Variants in RIMS1 observed in about 807,000 individuals in gnomAD.
RIMS1 encodes regulating synaptic membrane exocytosis protein 1.
In RIMS1, 83 loss-of-function variants were observed where a neutral mutation model predicts 214.1. The ratio of observed to expected loss-of-function variants is 0.39; its 90% confidence interval spans 0.32 to 0.47. The LOEUF is 0.47. Among genes scored for constraint, RIMS1 ranks in the 20% least tolerant of loss-of-function variants. RIMS1 has a pLI of 0.99. For synonymous variants in RIMS1, 793 were observed against 786.8 expected (o/e 1.01, Z -0.13); for missense variants, 2,050 against 2,161.8 (o/e 0.95, Z 1.03).
intron 1 of RIMS1, among the ~76,000 whole-genome samples, chr6:71,947,890 G>A (rs979309438): frequency 6.6e-6 from 1 of 151,914 alleles, no homozygotes; most frequent in African/African-American, 2.4e-5. Flanking sequence ...ATATATCATA[G>A]TAGATATGTT....
intron 2 of RIMS1, among the ~76,000 whole-genome samples, chr6:72,039,172 A>G (rs1360922785): frequency 1.3e-5 from 2 of 152,154 alleles, no homozygotes; most frequent in African/African-American, 2.4e-5. Flanking sequence ...AAGTACCAGT[A>G]TTTTTCATAA....
At chr6:72,216,561 C>T in intron 6 of RIMS1, 8 of 985,486 alleles carry the variant, frequency 8.1e-6, no homozygotes, top group Non-Finnish European at 9.6e-6. Context: ...GTTAGGGAAA[C>T]TGCAGAGGAA....
chr6:72,137,713 C>T (rs1349234123), intron 4 of RIMS1, among the ~76,000 whole-genome samples: 1 of 148,210 alleles, frequency 6.7e-6, no homozygotes, highest in Admixed American at 6.8e-5. Context: ...AAGTTGTCTG[C>T]AAAAATTAAG....
chr6:72,284,857 A>G (rs1274816401), intron 24 of RIMS1, among the ~76,000 whole-genome samples: 1 of 152,182 alleles, frequency 6.6e-6, no homozygotes, highest in Admixed American at 6.5e-5. Context: ...CAGGTACAGT[A>G]TGAACACAAG....
At chr6:72,087,431 T>C (rs918506695) in intron 2 of RIMS1, among the ~76,000 whole-genome samples, 4 of 152,230 alleles carry the variant, frequency 2.6e-5, no homozygotes, top group African/African-American at 9.6e-5. Flanking sequence ...ATCAAAACTC[T>C]GGCAGAATTG....
chr6:71,999,397 G>C (rs1323380299), intron 2 of RIMS1, among the ~76,000 whole-genome samples: 1 of 152,046 alleles, frequency 6.6e-6, no homozygotes, highest in African/African-American at 2.4e-5. Flanking sequence ...CATAGTCCTG[G>C]CTATTAGTTG....
intron 23 of RIMS1, among the ~76,000 whole-genome samples, chr6:72,280,385 A>C (rs994208975): frequency 6.6e-6 from 1 of 152,008 alleles, no homozygotes; most frequent in African/African-American, 2.4e-5. Context: ...CCTATTTTAT[A>C]TATCTCAATC....
At chr6:72,112,089 G>A (rs942577622) in intron 4 of RIMS1, among the ~76,000 whole-genome samples, 2 of 152,114 alleles carry the variant, frequency 1.3e-5, no homozygotes, top group African/African-American at 4.8e-5. Context: ...CTTCTTCACT[G>A]TAGCAAATGA....
At chr6:72,390,316 G>C (rs922263349) in intron 29 of RIMS1, among the ~76,000 whole-genome samples, 12 of 152,094 alleles carry the variant, frequency 7.9e-5, no homozygotes, top group Non-Finnish European at 1.6e-4. Flanking sequence ...GATTTTCATT[G>C]AAGTTGTCAC....
rs531556766 is a variant in RIMS1 at position 72,201,108 on chromosome 6, A to G, written c.1678+17959A>G. On this transcript the variant is annotated intron_variant, in intron 6 of 33. Transcript: ENST00000521978. ...TTAAGTTGGTAAATCTAACATGATT[A>G]TACCCAATAATATTTCTTCCAAATT... Among the ~76,000 whole-genome samples, 13 of 152,316 alleles carry G rather than the reference A, an allele frequency of 8.5e-5. No homozygotes were observed. The South Asian group carries it at 1.4e-3, about 17-fold the overall frequency.
At chr6:72,333,457 T>C (rs921491303) in intron 28 of RIMS1, 143 bp from the exon 29 acceptor site, 2 of 610,128 alleles carry the variant, frequency 3.3e-6, no homozygotes, top group African/African-American at 3.7e-5. Context: ...TACTAAAGTA[T>C]TTGTAGGTAT....
At chr6:72,339,836 T>C (rs1164977045) in intron 29 of RIMS1, among the ~76,000 whole-genome samples, 2 of 151,996 alleles carry the variant, frequency 1.3e-5, no homozygotes, top group African/African-American at 2.4e-5. Context: ...TATTTCTAGT[T>C]CTAGATCCCT....
chr6:72,078,400 T>TTTCC (rs1359096736), intron 2 of RIMS1, among the ~76,000 whole-genome samples: 5 of 152,212 alleles, frequency 3.3e-5, no homozygotes, highest in South Asian at 4.1e-4. Context: ...TTTCTCTCTC[T>TTTCC]TTCCTTCCAG....
intron 17 of RIMS1, among the ~76,000 whole-genome samples, chr6:72,258,722 T>C (rs2076852572): frequency 6.6e-6 from 1 of 152,170 alleles, no homozygotes; most frequent in Non-Finnish European, 1.5e-5. Context: ...TTTACTCTGA[T>C]ATACACTCCT....
In RIMS1 at chr6:72,182,601, T is replaced by C. The variant is rs1408670829; in HGVS notation, c.1130T>C (p.Met377Thr). The C allele has an allele frequency of 1.3e-6, 2 of 1,548,478 alleles. No individual in the cohort carries two copies. Among genetic ancestry groups the C allele is most frequent in the South Asian group, 1.2e-5 (1 of 83,970 alleles). The change falls in exon 6 of 34, where the codon ATG becomes ACG. Residue 377 changes from methionine (M) to threonine (T), a missense_variant. Physicochemically the swap from Met to Thr is moderately conservative, Grantham distance 81. This residue lies in a region of RIMS1 where 882 missense variants were observed against 828.9 expected (regional missense o/e 1.06). Coordinates refer to ENST00000521978, the MANE Select transcript of RIMS1 (RefSeq NM_014989.7). ...KPPPEEQQMR[M>T]HARVSRARHE... ...CCGCCTGAGGAGCAGCAGATGCGCA[T>C]GCACGCCCGGGTGTCCCGCGCCAGG...
intron 29 of RIMS1, among the ~76,000 whole-genome samples, chr6:72,364,587 G>A (rs181162442): frequency 6.6e-6 from 1 of 152,132 alleles, no homozygotes; most frequent in African/African-American, 2.4e-5. Flanking sequence ...AGTAGAGTAA[G>A]CTTCTCTTTG....
intron 2 of RIMS1, among the ~76,000 whole-genome samples, chr6:72,008,938 A>G (rs1318932973): frequency 6.6e-6 from 1 of 152,154 alleles, no homozygotes; most frequent in Admixed American, 6.5e-5. Flanking sequence ...TAACAAGGAT[A>G]CCCAGGAATT....
chr6:71,998,005 C>T (rs899654808), intron 2 of RIMS1, among the ~76,000 whole-genome samples: 4 of 151,880 alleles, frequency 2.6e-5, no homozygotes, highest in African/African-American at 9.7e-5. Flanking sequence ...TTGTTCATGT[C>T]CAGCATTGCC....
intron 1 of RIMS1, among the ~76,000 whole-genome samples, chr6:71,962,751 C>T (rs867084353): frequency 1.3e-5 from 2 of 152,078 alleles, no homozygotes; most frequent in South Asian, 4.1e-4. Context: ...TTTTAAAGAC[C>T]TCCTTTAAAA....
Sources: gnomAD v4.1 joint callset for allele counts (sites outside exome capture counted in the v4.1 genomes callset) on GRCh38, gnomAD v4.1.1 for gene constraint, gnomAD v4.1.1 regional missense constraint, MANE v1.5 for transcripts, NCBI Gene and HGNC (gene_info 2026-07-23, HGNC 2026-07-21) for gene names.